Variants in PLCB1 observed in about 807,000 individuals in gnomAD.
PLCB1 encodes phospholipase C beta 1.
PLCB1 carries 46 observed loss-of-function variants against 161.8 expected under a neutral mutation model. The ratio of observed to expected loss-of-function variants is 0.28; its 90% CI spans 0.22 to 0.36. PLCB1 has a LOEUF of 0.36. Among genes scored for constraint, PLCB1 ranks in the 10% least tolerant of loss-of-function variants. PLCB1 has a pLI of 1.00. For synonymous variants in PLCB1, 517 were observed against 503.7 expected, an observed-to-expected ratio of 1.03 and a Z score of -0.35; for missense variants, 1,016 against 1,472.5, an observed-to-expected ratio of 0.69 and a Z score of 5.07.
intron 31 of PLCB1, chr20:8,801,933 G>A (rs900955846): frequency 2.7e-5 from 19 of 714,330 alleles, no homozygotes; most frequent in Non-Finnish European, 4.6e-5. Flanking sequence ...AAACAGAGGA[G>A]TTAAAACTGT....
intron 10 of PLCB1, among the ~76,000 whole-genome samples, chr20:8,688,075 C>G (rs1344986669): frequency 2.6e-5 from 4 of 152,046 alleles, no homozygotes; most frequent in African/African-American, 9.7e-5. Flanking sequence ...TTTGCATTTC[C>G]CTGATCATTA....
At chr20:8,390,469 G>T (rs1987555080) in intron 3 of PLCB1, among the ~76,000 whole-genome samples, 1 of 152,144 alleles carries the variant, frequency 6.6e-6, no homozygotes, top group Admixed American at 6.5e-5. Flanking sequence ...ATGTTGAGGG[G>T]ACACAAGTCA....
intron 2 of PLCB1, among the ~76,000 whole-genome samples, chr20:8,337,925 G>C (rs1227975622): frequency 6.6e-6 from 1 of 152,162 alleles, no homozygotes; most frequent in Non-Finnish European, 1.5e-5. Flanking sequence ...TAAAGTTGTA[G>C]AGTTGTCCAT....
chr20:8,880,736 T>C (rs1421693252), intron 31 of PLCB1, among the ~76,000 whole-genome samples: 1 of 151,758 alleles, frequency 6.6e-6, no homozygotes, highest in Non-Finnish European at 1.5e-5. Flanking sequence ...ATGGCTGACC[T>C]TGGAACGCTC....
In PLCB1 at chr20:8,729,104, A is replaced by G. The variant is rs1980094180; in HGVS notation, c.1818A>G (p.Ser606=). The change falls in exon 18 of 32, where the codon TCA becomes TCG. Residue 606 remains serine (S), a synonymous_variant. Transcript: ENST00000338037. ...ATCCAAAAGGAACACGTGTGGATTC[A>G]TCCAACTATATGCCTCAGCTCTTCT... ...RIYPKGTRVD[S]SNYMPQLFWN... is the part of the protein sequence containing the mutation. 6.2e-7 allele frequency: 1 copy of G among 1,612,344 alleles called. No homozygotes were observed. The highest frequency in any genetic ancestry group is 1.3e-5 in the African/African-American group (1 of 74,874).
chr20:8,223,430 C>A (rs548653937), intron 2 of PLCB1, among the ~76,000 whole-genome samples: 1 of 152,254 alleles, frequency 6.6e-6, no homozygotes, highest in Non-Finnish European at 1.5e-5. Flanking sequence ...AGAGTCTCAA[C>A]TTTGACTTTT....
chr20:8,225,248 G>A (rs1979621055), intron 2 of PLCB1, among the ~76,000 whole-genome samples: 1 of 152,026 alleles, frequency 6.6e-6, no homozygotes, highest in Non-Finnish European at 1.5e-5. Flanking sequence ...TCTCCATTGT[G>A]TCATAAGGGT....
At chr20:8,526,821 G>A (rs1259551935) in intron 3 of PLCB1, among the ~76,000 whole-genome samples, 1 of 152,178 alleles carries the variant, frequency 6.6e-6, no homozygotes, top group South Asian at 2.1e-4. Flanking sequence ...CAATTTGCTG[G>A]TAAAGCTGAT....
intron 31 of PLCB1, chr20:8,802,206 G>A (rs774570840): frequency 8.8e-7 from 1 of 1,140,160 alleles, no homozygotes; most frequent in South Asian, 1.3e-5. Context: ...GCTTTTGAGA[G>A]AAGGGTGGTG....
chr20:8,213,884 G>C (rs540569321), intron 2 of PLCB1, among the ~76,000 whole-genome samples: 3 of 151,880 alleles, frequency 2.0e-5, no homozygotes, highest in African/African-American at 7.3e-5. Flanking sequence ...CCAGTAATGC[G>C]GTTACTTTCC....
At chr20:8,675,643 A>G (rs922416061) in intron 9 of PLCB1, among the ~76,000 whole-genome samples, 3 of 152,232 alleles carry the variant, frequency 2.0e-5, no homozygotes, top group African/African-American at 7.2e-5. Context: ...GAACTTCAGG[A>G]TAAATATGGT....
chr20:8,875,048 T>C (rs541330732), intron 31 of PLCB1, among the ~76,000 whole-genome samples: 22 of 151,978 alleles, frequency 1.4e-4, no homozygotes, highest in Admixed American at 1.4e-3. Flanking sequence ...AAAGGTATTG[T>C]GCTATTGCAT....
chr20:8,817,773 A>C (rs553218528), intron 31 of PLCB1, among the ~76,000 whole-genome samples: 1 of 152,198 alleles, frequency 6.6e-6, no homozygotes, highest in Admixed American at 6.5e-5. Flanking sequence ...AACAGACAGC[A>C]GAATGACCCC....
rs188102552 is a variant in PLCB1, at chr20:8,625,100, A to G, written c.247-3194A>G. On this transcript the variant is annotated intron_variant, in intron 3 of 31. Coordinates refer to ENST00000338037, the MANE Select transcript of PLCB1 (RefSeq NM_015192.4). ...GTGTTATTGTTGCTATTTTGATTTT[A>G]TTTGTTTGTTTCTGAAACACAGCCA... Among the ~76,000 whole-genome samples the G allele has an allele frequency of 7.7e-3, 1,169 of 152,230 alleles. 6 individuals carry two copies. Among genetic ancestry groups the G allele is most frequent in the Non-Finnish European group, 8.9e-3 (607 of 68,006 alleles).
chr20:8,278,838 T>C (rs1431094069), intron 2 of PLCB1, among the ~76,000 whole-genome samples: 1 of 152,096 alleles, frequency 6.6e-6, no homozygotes, highest in East Asian at 1.9e-4. Context: ...GTATGCACTG[T>C]TGGAAATATA....
At position 8,210,902 on chromosome 20, in the gene PLCB1, ACT is replaced by A. The variant is rs1978788073; in HGVS notation, c.177+60534_177+60535del. ...GAGGCACAAGGCTTGGTGATGTGAC[ACT>A]CTGCTGCTGTCAAGGTGTCTTCCAA... On this transcript the variant is annotated intron_variant, in intron 2 of 31. Transcript: ENST00000338037. Among the ~76,000 whole-genome samples the A allele has an allele frequency of 3.3e-5, 5 of 152,156 alleles. No homozygotes were observed. In the South Asian group the frequency reaches 1.0e-3, roughly 32 times the overall value.
chr20:8,353,704 C>T (rs1568643473), intron 2 of PLCB1, among the ~76,000 whole-genome samples: 1 of 152,068 alleles, frequency 6.6e-6, no homozygotes, highest in African/African-American at 2.4e-5. Context: ...GACTAGTACT[C>T]CTCAAAACTG....
At chr20:8,214,773 G>T (rs142809704) in intron 2 of PLCB1, among the ~76,000 whole-genome samples, 111 of 152,092 alleles carry the variant, frequency 7.3e-4, no homozygotes, top group African/African-American at 2.5e-3. Context: ...ATAAGGAATC[G>T]TGGAGTTTGG....
intron 3 of PLCB1, among the ~76,000 whole-genome samples, chr20:8,578,327 G>A (rs1308833749): frequency 6.6e-6 from 1 of 152,176 alleles, no homozygotes; most frequent in Non-Finnish European, 1.5e-5. Context: ...GTGTGTGAAG[G>A]TTGTAAATGA....
Sources: allele counts gnomAD v4.1 joint callset (sites outside exome capture counted in the v4.1 genomes callset), GRCh38; gene constraint gnomAD v4.1.1; transcripts MANE v1.5; gene names NCBI Gene and HGNC (gene_info 2026-07-23, HGNC 2026-07-21).